SIPA1L1: variants seen among roughly 807,000 people sequenced by gnomAD.
SIPA1L1 encodes signal induced proliferation associated 1 like 1.
SIPA1L1 carries 26 observed loss-of-function variants against 162.7 expected under a neutral mutation model. That is an observed-to-expected ratio of 0.16 (90% CI 0.12 to 0.22). SIPA1L1 has a LOEUF of 0.22. Among genes scored for constraint, SIPA1L1 ranks in the 10% least tolerant of loss-of-function variants. The pLI is 1.00. For missense variants in SIPA1L1, 1,874 were observed against 2,241.0 expected, an observed-to-expected ratio of 0.84 and a Z score of 3.31; for synonymous variants, 829 against 837.4, an observed-to-expected ratio of 0.99 and a Z score of 0.17.
intron 2 of SIPA1L1, among the ~76,000 whole-genome samples, chr14:71,402,896 G>A (rs2041778671): frequency 6.6e-6 from 1 of 152,128 alleles, no homozygotes; most frequent in Admixed American, 6.5e-5. Context: ...TATTATAATA[G>A]TATTTGTGGT....
rs552524474 is a variant in SIPA1L1 at position 71,517,389 on chromosome 14, G to A, written c.-362+4544G>A. ...GTCCCCTTGAGTTTTTTCACTTGAT[G>A]CATTTAACATCATGGTTCACTGATT... On this transcript the variant is annotated intron_variant, in intron 3 of 23. Transcript: ENST00000381232. 1.4e-4 allele frequency among the ~76,000 whole-genome samples: 22 copies of A among 152,202 alleles called. No individual in the cohort carries two copies. The South Asian group carries it at 4.6e-3, about 32-fold the overall frequency.
intron 2 of SIPA1L1, among the ~76,000 whole-genome samples, chr14:71,334,761 T>C (rs1319982764): frequency 3.9e-5 from 6 of 152,218 alleles, no homozygotes; most frequent in South Asian, 2.1e-4. Context: ...AGAAAACTTA[T>C]ATATTCTAGT....
intron 2 of SIPA1L1, among the ~76,000 whole-genome samples, chr14:71,384,911 T>C (rs1198325377): frequency 1.3e-5 from 2 of 152,202 alleles, no homozygotes; most frequent in Non-Finnish European, 1.5e-5. Flanking sequence ...TTTTGCTCTT[T>C]ATCTGGAAGC....
chr14:71,398,749 G>T (rs2041426336), intron 2 of SIPA1L1, among the ~76,000 whole-genome samples: 1 of 152,170 alleles, frequency 6.6e-6, no homozygotes, highest in African/African-American at 2.4e-5. Flanking sequence ...TAAGGACAAA[G>T]TAGAACTTTG....
At chr14:71,382,602 T>G (rs1379857373) in intron 2 of SIPA1L1, among the ~76,000 whole-genome samples, 1 of 152,100 alleles carries the variant, frequency 6.6e-6, no homozygotes, top group Non-Finnish European at 1.5e-5. Context: ...TCTGTAGGAG[T>G]CACTAAGGAC....
chr14:71,330,848 A>C (rs369396024), intron 2 of SIPA1L1: 2 of 584,724 alleles, frequency 3.4e-6, no homozygotes, highest in African/African-American at 3.8e-5. Context: ...GATTATTTGC[A>C]AATATTTTTT....
intron 2 of SIPA1L1, among the ~76,000 whole-genome samples, chr14:71,430,581 A>G (rs965773056): frequency 1.3e-5 from 2 of 152,222 alleles, no homozygotes; most frequent in Non-Finnish European, 2.9e-5. Context: ...AACAAGCTGC[A>G]CGGGACCAGA....
At chr14:71,728,945 A>G (rs1053072757) in intron 19 of SIPA1L1, among the ~76,000 whole-genome samples, 1 of 152,252 alleles carries the variant, frequency 6.6e-6, no homozygotes, top group Non-Finnish European at 1.5e-5. Context: ...AAATTTGGTC[A>G]CAGAGGCAAA....
chr14:71,520,884 C>G (rs1234242539), intron 3 of SIPA1L1, among the ~76,000 whole-genome samples: 1 of 152,142 alleles, frequency 6.6e-6, no homozygotes, highest in Non-Finnish European at 1.5e-5. Flanking sequence ...CCCCGAGTAG[C>G]TGAGACTACA....
chr14:71,420,876 T>G (rs2043142998), intron 2 of SIPA1L1, among the ~76,000 whole-genome samples: 1 of 152,248 alleles, frequency 6.6e-6, no homozygotes, highest in African/African-American at 2.4e-5. Flanking sequence ...TAGCTAGTCG[T>G]GTAAGCCCTA....
chr14:71,401,572 A>T (rs968019129), intron 2 of SIPA1L1, among the ~76,000 whole-genome samples: 1 of 152,054 alleles, frequency 6.6e-6, no homozygotes, highest in Non-Finnish European at 1.5e-5. Context: ...CCTGTCCTGA[A>T]ATGTAGCTTT....
chr14:71,680,429 G>A lies in SIPA1L1; in HGVS notation c.3105-4933G>A, dbSNP rs139950097. ...ATCTCTGGGACACATTTAAAGCGGTGTGTAGAGGGAAACTTATAGCACTAA... is the reference window on the plus strand; with the variant it reads ...ATCTCTGGGACACATTTAAAGCGGTATGTAGAGGGAAACTTATAGCACTAA... On this transcript the variant is annotated intron_variant, in intron 12 of 23. Transcript: ENST00000381232. Among the ~76,000 whole-genome samples, 470 of 152,326 alleles carry A rather than the reference G, an allele frequency of 3.1e-3. 4 individuals carry two copies. Among genetic ancestry groups the A allele is most frequent in the African/African-American group, 0.011 (441 of 41,568 alleles).
At chr14:71,719,871 C>T (rs1325102241) in intron 17 of SIPA1L1, among the ~76,000 whole-genome samples, 1 of 152,182 alleles carries the variant, frequency 6.6e-6, no homozygotes, top group African/African-American at 2.4e-5. Flanking sequence ...ACACCCCTCA[C>T]CAAGTTTCCC....
intron 4 of SIPA1L1, among the ~76,000 whole-genome samples, chr14:71,544,304 G>A (rs972614044): frequency 6.7e-6 from 1 of 150,310 alleles, no homozygotes; most frequent in African/African-American, 2.4e-5. Context: ...TATATCATGT[G>A]TGTATATACA....
At chr14:71,491,812 A>ACACACACTCC in intron 2 of SIPA1L1, among the ~76,000 whole-genome samples, 1 of 115,986 alleles carries the variant, frequency 8.6e-6, no homozygotes, top group Admixed American at 8.4e-5. Context: ...ACACACACAC[A>ACACACACTCC]CCCCTTCCCC....
intron 2 of SIPA1L1, among the ~76,000 whole-genome samples, chr14:71,463,920 CA>C (rs1299988850): frequency 6.6e-5 from 10 of 152,206 alleles, no homozygotes; most frequent in African/African-American, 2.4e-4. Context: ...TAGCTATGCC[CA>C]CTTGCCTTTG....
intron 7 of SIPA1L1, among the ~76,000 whole-genome samples, chr14:71,629,168 A>G (rs2040327362): frequency 6.6e-6 from 1 of 151,966 alleles, no homozygotes; most frequent in African/African-American, 2.4e-5. Context: ...CGATCTCCTG[A>G]CCTCGTGGTC....
chr14:71,385,471 C>T (rs1351921032), intron 2 of SIPA1L1, among the ~76,000 whole-genome samples: 1 of 152,012 alleles, frequency 6.6e-6, no homozygotes, highest in Admixed American at 6.6e-5. Context: ...TGGTTTTGTT[C>T]CCTAATAAAA....
chr14:71,545,671 A>G (rs1284643446), intron 4 of SIPA1L1, among the ~76,000 whole-genome samples: 4 of 152,060 alleles, frequency 2.6e-5, no homozygotes, highest in Admixed American at 2.6e-4. Flanking sequence ...TTCCATCTTT[A>G]TACATTTTTA....
Sources: gnomAD v4.1 joint callset for allele counts (sites outside exome capture counted in the v4.1 genomes callset) on GRCh38, gnomAD v4.1.1 for gene constraint, MANE v1.5 for transcripts, NCBI Gene and HGNC (gene_info 2026-07-23, HGNC 2026-07-21) for gene names.